Variants in GSG1L observed in about 807,000 individuals in gnomAD.
GSG1L encodes the protein GSG1 like.
Under a neutral mutation model 42.1 loss-of-function variants are expected in GSG1L, and 24 were observed. The ratio of observed to expected loss-of-function variants is 0.57; its 90% CI spans 0.41 to 0.80. The LOEUF (loss-of-function observed/expected upper bound fraction) is 0.80. Among genes scored for constraint, GSG1L ranks in the 30% least tolerant of loss-of-function variants. The probability of loss-of-function intolerance (pLI) is 0.00; values close to 1 mark genes in which losing one functional copy is unlikely to be tolerated. For synonymous variants in GSG1L, 215 were observed against 203.5 expected (o/e 1.06, Z -0.48); for missense variants, 445 against 472.2 (o/e 0.94, Z 0.53).
intron 1 of GSG1L, among the ~76,000 whole-genome samples, chr16:27,973,172 A>G (rs986629723): frequency 6.6e-6 from 1 of 152,134 alleles, no homozygotes; most frequent in African/African-American, 2.4e-5. Flanking sequence ...GCTTAGGGCC[A>G]GGTGCGGTGG....
chr16:28,024,843 G>A (rs1172868106), intron 1 of GSG1L, among the ~76,000 whole-genome samples: 1 of 152,214 alleles, frequency 6.6e-6, no homozygotes, highest in African/African-American at 2.4e-5. Flanking sequence ...ACTTAGCTGA[G>A]GCTGAGCAGG....
chr16:28,018,334 A>G (rs1336054792), intron 1 of GSG1L, among the ~76,000 whole-genome samples: 1 of 152,224 alleles, frequency 6.6e-6, no homozygotes. Flanking sequence ...TAAGTCTGCA[A>G]TTCTCTGAGA....
At chr16:28,046,087 A>C (rs936745973) in intron 1 of GSG1L, among the ~76,000 whole-genome samples, 1 of 152,212 alleles carries the variant, frequency 6.6e-6, no homozygotes, top group African/African-American at 2.4e-5. Flanking sequence ...GGGAAAAATC[A>C]TGTAGGATTT....
chr16:27,911,501 A>C (rs1162196821), intron 2 of GSG1L, among the ~76,000 whole-genome samples: 1 of 152,172 alleles, frequency 6.6e-6, no homozygotes, highest in East Asian at 1.9e-4. Context: ...CATGTTGGCC[A>C]GGCTGGTCTC....
chr16:27,888,497 T>C (rs1199944387), intron 2 of GSG1L, among the ~76,000 whole-genome samples: 2,303 of 10,936 alleles, frequency 0.21, 325 homozygotes, highest in Admixed American at 0.38. Flanking sequence ...CTTTCTTTCT[T>C]TCTTTCTTTC....
chr16:27,881,037 A>C (rs2083946939), intron 3 of GSG1L, among the ~76,000 whole-genome samples: 1 of 152,096 alleles, frequency 6.6e-6, no homozygotes, highest in South Asian at 2.1e-4. Flanking sequence ...GGGATCTCCC[A>C]GGTCAGGGTC....
At chr16:28,034,198 TCATCCCATCCCAACC>T (rs1419331832) in intron 1 of GSG1L, among the ~76,000 whole-genome samples, 1 of 65,980 alleles carries the variant, frequency 1.5e-5, no homozygotes, top group Non-Finnish European at 3.1e-5. Flanking sequence ...GCAACTCATC[TCATCCCATCCCAACC>T]CATCCCATCC....
intron 1 of GSG1L, among the ~76,000 whole-genome samples, chr16:28,005,559 T>C (rs1214760609): frequency 6.6e-6 from 1 of 152,060 alleles, no homozygotes; most frequent in African/African-American, 2.4e-5. Context: ...TATAAAAACG[T>C]TCGCTCCAAA....
Position 28,063,230 on chromosome 16 carries a change from G to T in GSG1L, c.195C>A (p.Ala65=). 1 of 1,257,918 alleles carries T rather than the reference G, an allele frequency of 7.9e-7. No individual in the cohort carries two copies. 77.9% of individuals were successfully genotyped at this position (1,257,918 alleles called of 1,614,324 possible). A position where few individuals can be genotyped will look rare whatever the true frequency, so the allele number is the denominator to read the frequency against. The change falls in exon 1 of 7, where the codon GCC becomes GCA. Residue 65 remains alanine, a synonymous_variant. Transcript: ENST00000447459. This position sits in a 1 kb window ranked among gnomAD's most constrained non-coding sequence, Gnocchi z 5.8. ...SGANATANGT[A]APAAAAAAAT... is the part of the protein sequence containing the mutation. ...CGGCGGCGGCGGCGGCGGCGGGGGC[G>T]GCGGTGCCGTTGGCCGTGGCGTTGG... is the stretch of plus-strand genomic sequence containing the variant.
chr16:27,850,808 T>A (rs2083503914), intron 3 of GSG1L, among the ~76,000 whole-genome samples: 1 of 118,142 alleles, frequency 8.5e-6, no homozygotes, highest in South Asian at 2.8e-4. Context: ...ACCTTTTTTT[T>A]TTATTTTTTT....
chr16:27,933,220 A>G (rs1177680266), intron 2 of GSG1L, among the ~76,000 whole-genome samples: 1 of 152,164 alleles, frequency 6.6e-6, no homozygotes, highest in African/African-American at 2.4e-5. Context: ...TGGACCATTC[A>G]GGACCATAGC....
chr16:27,849,222 A>AAAAG (rs1567485114), intron 3 of GSG1L, among the ~76,000 whole-genome samples: 1 of 146,382 alleles, frequency 6.8e-6, no homozygotes. Context: ...AAAAAAAAAA[A>AAAAG]AGAGAAAAGA....
intron 6 of GSG1L, among the ~76,000 whole-genome samples, chr16:27,803,790 TATATAGATAGATAGATATAG>T (rs1449085235): frequency 8.2e-5 from 9 of 109,952 alleles, no homozygotes; most frequent in African/African-American, 3.1e-4. Context: ...TATATATATA[TATATAGATAGATAGATATAG>T]ATATAGATAT....
At chr16:27,869,644 C>CCTCTCTGCGTCTCCATCTCTTTCTCCTCT (rs1567496123) in intron 3 of GSG1L, among the ~76,000 whole-genome samples, 1 of 123,404 alleles carries the variant, frequency 8.1e-6, no homozygotes, top group African/African-American at 3.3e-5. Flanking sequence ...ATCTCTCTCT[C>CCTCTCTGCGTCTCCATCTCTTTCTCCTCT]CTCTCTGTCT....
chr16:27,803,766 CATATATATATATAT>C (rs3047681), intron 6 of GSG1L, among the ~76,000 whole-genome samples: 2,712 of 117,896 alleles, frequency 0.023, 59 homozygotes, highest in South Asian at 0.046. Flanking sequence ...ACAGTGCAGA[CATATATATATATAT>C]ATATATATAT....
intron 4 of GSG1L, among the ~76,000 whole-genome samples, chr16:27,841,730 C>T (rs938357): frequency 0.019 from 2,867 of 152,266 alleles, 102 homozygotes; most frequent in African/African-American, 0.065. Context: ...CATTGGGCCC[C>T]GGCCTTTAAT....
At chr16:27,844,909 C>T (rs2083426583) in intron 4 of GSG1L, 41 bp downstream of exon 4, 1 of 1,208,224 alleles carries the variant, frequency 8.3e-7, no homozygotes, top group Non-Finnish European at 1.2e-6. Flanking sequence ...TGCCTTGGGC[C>T]CTGGTGCCTG....
intron 1 of GSG1L, among the ~76,000 whole-genome samples, chr16:27,978,340 C>G (rs897560143): frequency 9.2e-5 from 14 of 152,176 alleles, no homozygotes; most frequent in Non-Finnish European, 1.9e-4. Flanking sequence ...GGAAGCCGGA[C>G]AGGGTGTGCT....
intron 4 of GSG1L, among the ~76,000 whole-genome samples, chr16:27,831,528 G>A (rs2083274041): frequency 6.6e-6 from 1 of 152,180 alleles, no homozygotes; most frequent in Non-Finnish European, 1.5e-5. Context: ...CCCAGTCAGG[G>A]GACAGAGCAG....
Sources: allele counts gnomAD v4.1 joint callset (sites outside exome capture counted in the v4.1 genomes callset), GRCh38; gene constraint gnomAD v4.1.1; non-coding constraint Gnocchi (gnomAD v3.1); transcripts MANE v1.5; gene names NCBI Gene and HGNC (gene_info 2026-07-23, HGNC 2026-07-21).